Variants in DAAM1 observed in about 807,000 individuals in gnomAD.
The protein encoded by DAAM1 is disheveled-associated activator of morphogenesis 1.
DAAM1 carries 52 observed loss-of-function variants against 130.0 expected under a neutral mutation model. That is an observed-to-expected ratio of 0.40 (90% CI 0.32 to 0.50). The LOEUF (loss-of-function observed/expected upper bound fraction) is 0.50, where lower values mean the gene tolerates loss of function less well. DAAM1 is among the 20% of genes least tolerant of loss of function. The pLI is 0.61. For missense variants in DAAM1, 1,134 were observed against 1,303.8 expected (o/e 0.87, Z 2.01); for synonymous variants, 452 against 444.5 (o/e 1.02, Z -0.21).
chr14:59,256,085 C>A (rs762568825), intron 1 of DAAM1, among the ~76,000 whole-genome samples: 69 of 152,240 alleles, frequency 4.5e-4, no homozygotes, highest in Middle Eastern at 3.4e-3. Flanking sequence ...TGGCAGAAGT[C>A]CTGATGGATC....
In DAAM1 at chr14:59,322,907, C is replaced by T. The variant is rs1885068069; in HGVS notation, c.456C>T (p.Phe152=). 1 of 1,610,002 alleles carries T rather than the reference C, an allele frequency of 6.2e-7. No homozygotes were observed. ...RTKPMRFVTR[F]IDLDGLSCIL... Reference sequence around the variant, plus strand: ...TTCATGACAGGTTTGTAACCAGATTCATCGACTTGGATGGCCTATCATGTA... The same window carrying T: ...TTCATGACAGGTTTGTAACCAGATTTATCGACTTGGATGGCCTATCATGTA... Residue 152 remains phenylalanine (F), a synonymous_variant, in exon 6 of 25, where the codon TTC becomes TTT. Coordinates refer to ENST00000360909, the MANE Select transcript of DAAM1 (RefSeq NM_001270520.2).
intron 1 of DAAM1, among the ~76,000 whole-genome samples, chr14:59,225,216 C>T (rs1280947882): frequency 5.3e-5 from 8 of 151,720 alleles, no homozygotes; most frequent in South Asian, 2.1e-4. Flanking sequence ...TTAGTGGAGA[C>T]GGGGTTTCAC....
intron 13 of DAAM1, 136 bp downstream of exon 13, chr14:59,330,824 C>T (rs1420513320): frequency 3.0e-5 from 27 of 909,648 alleles, no homozygotes; most frequent in Admixed American, 3.3e-5. Flanking sequence ...TTAGGAGACT[C>T]ACTCCCTCTG....
At chr14:59,205,934 C>G (rs1158764618) in intron 1 of DAAM1, among the ~76,000 whole-genome samples, 2 of 152,090 alleles carry the variant, frequency 1.3e-5, no homozygotes, top group African/African-American at 2.4e-5. Flanking sequence ...TTTTTTGAGA[C>G]AGGGTCCAGG....
chr14:59,367,415 C>T lies in DAAM1; in HGVS notation c.2827-14C>T. On this transcript the variant is annotated splice_polypyrimidine_tract_variant and intron_variant, in intron 23 of 24. Transcript: ENST00000360909. ...TCATGAAACATTGACTTCTTAAAAC[C>T]ATCTTTTTCCTAGTTTACTAAAGCA... 1 of 1,583,080 alleles carries T rather than the reference C, an allele frequency of 6.3e-7. No homozygotes were observed. Among genetic ancestry groups the T allele is most frequent in the Non-Finnish European group, 8.6e-7 (1 of 1,161,752 alleles).
chr14:59,217,388 CTT>C (rs1039502177), intron 1 of DAAM1, among the ~76,000 whole-genome samples: 1 of 152,106 alleles, frequency 6.6e-6, no homozygotes, highest in African/African-American at 2.4e-5. Flanking sequence ...CCTTTTGTGT[CTT>C]TTGAGATTTT....
In DAAM1 at chr14:59,347,590, A is replaced by C. The variant is rs1165348549; in HGVS notation, c.2127A>C (p.Glu709Asp). 3.1e-6 allele frequency: 5 copies of C among 1,613,998 alleles called. No individual in the cohort carries two copies. The highest frequency in any genetic ancestry group is 4.2e-6 in the Non-Finnish European group (5 of 1,179,920). Residue 709 changes from glutamate (E) to aspartate (D), a missense_variant, in exon 17 of 25, where the codon GAA becomes GAC. Coordinates refer to ENST00000360909, the MANE Select transcript of DAAM1 (RefSeq NM_001270520.2). Reference sequence around the variant, plus strand: ...AACGGGCAATTCTAACAATGGACGAACAGGAAGATCTGCCCAAGGACATGT... The same window carrying C: ...AACGGGCAATTCTAACAATGGACGACCAGGAAGATCTGCCCAAGGACATGT... The part of the protein sequence containing the change: ...EIKRAILTMD[E>D]QEDLPKDMLE...
At chr14:59,260,078 T>C (rs1346552644) in intron 1 of DAAM1, among the ~76,000 whole-genome samples, 1 of 152,210 alleles carries the variant, frequency 6.6e-6, no homozygotes, top group African/African-American at 2.4e-5. Context: ...TTTAAACTTT[T>C]ATAGCAATTT....
At chr14:59,252,275 C>CT (rs949997142) in intron 1 of DAAM1, among the ~76,000 whole-genome samples, 1 of 152,134 alleles carries the variant, frequency 6.6e-6, no homozygotes, top group Non-Finnish European at 1.5e-5. Context: ...AACCTTCAGA[C>CT]TTAGAAAGCA....
intron 1 of DAAM1, among the ~76,000 whole-genome samples, chr14:59,249,428 G>A (rs1448641050): frequency 6.6e-6 from 1 of 152,148 alleles, no homozygotes. Context: ...CCACGAAACT[G>A]CTAATCATTT....
At chr14:59,208,834 G>C (rs1888344236) in intron 1 of DAAM1, among the ~76,000 whole-genome samples, 2 of 152,032 alleles carry the variant, frequency 1.3e-5, no homozygotes, top group South Asian at 4.2e-4. Context: ...GCTCAGTTCA[G>C]GCAGGATATG....
At chr14:59,228,802 A>G (rs1261706376) in intron 1 of DAAM1, among the ~76,000 whole-genome samples, 2 of 152,108 alleles carry the variant, frequency 1.3e-5, no homozygotes, top group Non-Finnish European at 2.9e-5. Context: ...CTTTCCCCCA[A>G]GTGTTGTAGA....
At chr14:59,365,089 A>G (rs1019338525) in intron 23 of DAAM1, among the ~76,000 whole-genome samples, 3 of 152,236 alleles carry the variant, frequency 2.0e-5, no homozygotes, top group African/African-American at 7.2e-5. Context: ...TGTTCATCAC[A>G]GTAGCCAGCA....
chr14:59,323,987 A>G lies in DAAM1; in HGVS notation c.775-141A>G, dbSNP rs1009460916. ...GTGGAGGTTGCCGTGAGCTGAGATC[A>G]TGCCACCGCACTCCAGCCTGGGCAA... On this transcript the variant is annotated intron_variant, in intron 6 of 24. Coordinates refer to ENST00000360909, the MANE Select transcript of DAAM1 (RefSeq NM_001270520.2). The G allele has an allele frequency of 3.4e-5, 15 of 438,416 alleles. No homozygotes were observed. The Admixed American group carries it at 5.3e-4, about 16-fold the overall frequency. The allele number at this position is 438,416 out of a possible 1,614,324, so 27.2% of individuals were successfully genotyped here.
intron 1 of DAAM1, among the ~76,000 whole-genome samples, chr14:59,208,829 G>C (rs1287411982): frequency 6.6e-6 from 1 of 152,110 alleles, no homozygotes; most frequent in Non-Finnish European, 1.5e-5. Flanking sequence ...TTCTCGCTCA[G>C]TTCAGGCAGG....
intron 2 of DAAM1, among the ~76,000 whole-genome samples, chr14:59,279,632 C>T (rs865802049): frequency 6.6e-6 from 1 of 152,092 alleles, no homozygotes; most frequent in East Asian, 1.9e-4. Context: ...AAAACTAAAA[C>T]CGTACAGCTT....
At chr14:59,305,500 A>C (rs1286421321) in intron 3 of DAAM1, among the ~76,000 whole-genome samples, 1 of 152,160 alleles carries the variant, frequency 6.6e-6, no homozygotes, top group African/African-American at 2.4e-5. Flanking sequence ...AAATAAAGTA[A>C]GTGTCTCATA....
At chr14:59,263,002 T>G (rs1015868526) in intron 1 of DAAM1, among the ~76,000 whole-genome samples, 2 of 152,214 alleles carry the variant, frequency 1.3e-5, no homozygotes, top group African/African-American at 4.8e-5. Context: ...TATGTTATTC[T>G]ATTTAGGGAA....
chr14:59,208,780 C>T (rs1397120991), intron 1 of DAAM1, among the ~76,000 whole-genome samples: 1 of 152,102 alleles, frequency 6.6e-6, no homozygotes, highest in African/African-American at 2.4e-5. Flanking sequence ...GTAGATCCCT[C>T]ATGAATGGCT....
Sources: allele counts gnomAD v4.1 joint callset (sites outside exome capture counted in the v4.1 genomes callset), GRCh38; gene constraint gnomAD v4.1.1; transcripts MANE v1.5; gene names NCBI Gene and HGNC (gene_info 2026-07-23, HGNC 2026-07-21).